The following AHCY variants were observed in gnomAD, a reference collection of about 807,000 sequenced individuals.
AHCY encodes the protein S-adenosyl-L-homocysteine hydrolase.
A neutral mutation model predicts 45.4 loss-of-function variants in AHCY; 24 were observed. That is an observed-to-expected ratio of 0.53 (90% confidence interval 0.38 to 0.74). AHCY has a LOEUF of 0.74. Ranked by LOEUF, AHCY falls within the 30% of genes least tolerant of loss-of-function variation. The pLI, the probability that AHCY is intolerant of heterozygous loss-of-function variation, is 0.00. For synonymous variants in AHCY, 245 were observed against 235.1 expected, an observed-to-expected ratio of 1.04 and a Z score of -0.39; for missense variants, 449 against 594.1, an observed-to-expected ratio of 0.76 and a Z score of 2.54.
At chr20:34,299,708 A>G (rs2036706187) in intron 1 of AHCY, among the ~76,000 whole-genome samples, 2 of 152,116 alleles carry the variant, frequency 1.3e-5, no homozygotes, top group African/African-American at 2.4e-5. Flanking sequence ...CTTTGCCCCC[A>G]CTACCGGTTA....
At chr20:34,262,751 G>T in the AHCY span, 2 of 1,512,220 alleles carry the variant, frequency 1.3e-6, no homozygotes, top group African/African-American at 2.8e-5. Flanking sequence ...GACTTCCCAA[G>T]CCCCCTCTGC....
the AHCY span, among the ~76,000 whole-genome samples, chr20:34,256,457 C>T: frequency 6.6e-6 from 1 of 152,168 alleles, no homozygotes; most frequent in Admixed American, 6.6e-5. Flanking sequence ...GACCCGATAA[C>T]ACCCGGCTAA....
chr20:34,268,846 T>C, the AHCY span: 2 of 971,092 alleles, frequency 2.1e-6, no homozygotes, highest in South Asian at 1.6e-5. Context: ...GGAATCTGAC[T>C]GGGGGAGCGG....
chr20:34,232,708 T>A, the AHCY span, among the ~76,000 whole-genome samples: 2 of 152,238 alleles, frequency 1.3e-5, no homozygotes, highest in Admixed American at 6.5e-5. Context: ...TAAAACATAG[T>A]TGTGCCAGTC....
At chr20:34,235,860 GGAAGGAAA>G in the AHCY span, among the ~76,000 whole-genome samples, 1 of 32,102 alleles carries the variant, frequency 3.1e-5, no homozygotes. Context: ...AAGGAAGGAA[GGAAGGAAA>G]GGAAGGAAGG....
upstream of AHCY, among the ~76,000 whole-genome samples, chr20:34,304,171 T>C (rs913622287): frequency 6.6e-6 from 1 of 152,236 alleles, no homozygotes; most frequent in Admixed American, 6.5e-5. Flanking sequence ...CACCTTTATA[T>C]ATCAACCGTA....
chr20:34,267,950 A>ATTC, the AHCY span, among the ~76,000 whole-genome samples: 38,740 of 151,900 alleles, frequency 0.26, 8,244 homozygotes, highest in African/African-American at 0.59. Context: ...GAAATAATTT[A>ATTC]TTTTTGTTGT....
the AHCY span, among the ~76,000 whole-genome samples, chr20:34,243,305 G>A: frequency 1.3e-5 from 2 of 152,300 alleles, no homozygotes; most frequent in African/African-American, 4.8e-5. Context: ...GTTGTCTACA[G>A]AAGATTCAAA....
chr20:34,298,271 T>A (rs1474435622), intron 1 of AHCY, among the ~76,000 whole-genome samples: 1 of 152,152 alleles, frequency 6.6e-6, no homozygotes, highest in Non-Finnish European at 1.5e-5. Context: ...TAGATATAGA[T>A]CTTATATATG....
intron 1 of AHCY, among the ~76,000 whole-genome samples, chr20:34,301,549 C>T (rs1013493501): frequency 6.6e-6 from 1 of 152,178 alleles, no homozygotes; most frequent in East Asian, 1.9e-4. Flanking sequence ...GCTTGCTATG[C>T]GCCTTAAGTA....
intron 1 of AHCY, among the ~76,000 whole-genome samples, chr20:34,297,238 G>A (rs747430458): frequency 6.6e-6 from 1 of 151,842 alleles, no homozygotes; most frequent in Non-Finnish European, 1.5e-5. Context: ...CGGACCCACT[G>A]AACCCAGCAG....
the AHCY span, chr20:34,260,646 C>G: frequency 8.1e-7 from 1 of 1,236,098 alleles, no homozygotes; most frequent in Non-Finnish European, 1.1e-6. Flanking sequence ...CCTTCTTGCT[C>G]GTTCCAGGAA....
chr20:34,241,971 C>T, the AHCY span, among the ~76,000 whole-genome samples: 2 of 152,126 alleles, frequency 1.3e-5, no homozygotes, highest in Non-Finnish European at 2.9e-5. Context: ...TTATTGCAGA[C>T]TCTCCTTTTC....
At chr20:34,281,348 C>G (rs750633488) in intron 9 of AHCY, among the ~76,000 whole-genome samples, 183 bp from the exon 10 acceptor site, 1 of 152,228 alleles carries the variant, frequency 6.6e-6, no homozygotes, top group African/African-American at 2.4e-5. Context: ...CCCAGCCCCC[C>G]TCAAAAGGGA....
At chr20:34,305,949 G>A (rs1363702571), upstream of AHCY, among the ~76,000 whole-genome samples, 4 of 151,870 alleles carry the variant, frequency 2.6e-5, no homozygotes, top group Non-Finnish European at 5.9e-5. Flanking sequence ...GGGCGTGATG[G>A]TGCACGTCTG....
At chr20:34,271,730 A>C in the AHCY span, among the ~76,000 whole-genome samples, 7 of 151,740 alleles carry the variant, frequency 4.6e-5, no homozygotes, top group South Asian at 1.5e-3. Context: ...CACACCAGCT[A>C]ATTTTTGTAT....
the AHCY span, among the ~76,000 whole-genome samples, chr20:34,267,092 T>A: frequency 6.6e-6 from 1 of 152,198 alleles, no homozygotes; most frequent in African/African-American, 2.4e-5. Context: ...GATAAAAATA[T>A]ATAACTGACA....
chr20:34,264,439 A>G, the AHCY span, among the ~76,000 whole-genome samples: 3 of 152,154 alleles, frequency 2.0e-5, no homozygotes, highest in Non-Finnish European at 4.4e-5. Context: ...GTTCTCGTGT[A>G]TTTTTCAATG....
the AHCY span, among the ~76,000 whole-genome samples, chr20:34,233,504 A>G: frequency 6.6e-6 from 1 of 152,198 alleles, no homozygotes; most frequent in African/African-American, 2.4e-5. Context: ...CACAAAGACT[A>G]CATACTGTAG....
Sources: gnomAD v4.1 joint callset for allele counts (sites outside exome capture counted in the v4.1 genomes callset) on GRCh38, gnomAD v4.1.1 for gene constraint, MANE v1.5 for transcripts, NCBI Gene and HGNC (gene_info 2026-07-23, HGNC 2026-07-21) for gene names.